SNCAIP: variants seen among roughly 807,000 people sequenced by gnomAD.
The protein encoded by SNCAIP is synphilin-1.
Under a neutral mutation model 86.7 loss-of-function variants are expected in SNCAIP, and 43 were observed. The ratio of observed to expected loss-of-function variants is 0.50; its 90% CI spans 0.39 to 0.64. The LOEUF (loss-of-function observed/expected upper bound fraction) is 0.64, where lower values mean the gene tolerates loss of function less well. Among genes scored for constraint, SNCAIP ranks in the 30% least tolerant of loss-of-function variants. SNCAIP has a pLI of 0.00. For synonymous variants in SNCAIP, 417 were observed against 427.2 expected (o/e 0.98, Z 0.29); for missense variants, 981 against 1,103.1 (o/e 0.89, Z 1.57).
At chr5:122,319,665 C>G (rs1752538687) in intron 1 of SNCAIP, among the ~76,000 whole-genome samples, 1 of 152,126 alleles carries the variant, frequency 6.6e-6, no homozygotes, top group Admixed American at 6.5e-5. Context: ...TGTGGATTTC[C>G]TGGGACTCCT....
chr5:122,395,845 C>T (rs370131748), intron 2 of SNCAIP, among the ~76,000 whole-genome samples: 1 of 152,122 alleles, frequency 6.6e-6, no homozygotes, highest in Admixed American at 6.6e-5. Flanking sequence ...TACAAAGAAC[C>T]TAGCCTCCCC....
chr5:122,340,655 G>C (rs13360842), intron 1 of SNCAIP, among the ~76,000 whole-genome samples: 6,275 of 152,236 alleles, frequency 0.041, 405 homozygotes, highest in African/African-American at 0.14. Context: ...GAAGTAATCA[G>C]CATTGACATT....
intron 1 of SNCAIP, among the ~76,000 whole-genome samples, chr5:122,379,493 A>C (rs1766172461): frequency 1.5e-5 from 2 of 131,436 alleles, no homozygotes; most frequent in African/African-American, 5.8e-5. Context: ...AAACAGGGAC[A>C]ATTTGACTTC....
At chr5:122,331,195 T>A (rs1384603322) in intron 1 of SNCAIP, among the ~76,000 whole-genome samples, 2 of 152,140 alleles carry the variant, frequency 1.3e-5, no homozygotes, top group African/African-American at 4.8e-5. Flanking sequence ...CTGATATCAG[T>A]CCATGGCCCA....
chr5:122,333,048 AGCTGAGC>A (rs1488769069), intron 1 of SNCAIP, among the ~76,000 whole-genome samples: 1 of 152,248 alleles, frequency 6.6e-6, no homozygotes, highest in African/African-American at 2.4e-5. Context: ...AGAATGAAAT[AGCTGAGC>A]TTGTACAAAC....
chr5:122,330,842 T>C (rs1320776643), intron 1 of SNCAIP, among the ~76,000 whole-genome samples: 1 of 151,906 alleles, frequency 6.6e-6, no homozygotes, highest in African/African-American at 2.4e-5. Context: ...GATGAAATAA[T>C]TGTACAACTC....
At chr5:122,362,230 C>A (rs1449195504) in intron 1 of SNCAIP, among the ~76,000 whole-genome samples, 1 of 152,134 alleles carries the variant, frequency 6.6e-6, no homozygotes, top group Admixed American at 6.5e-5. Context: ...TAAAAGTGTG[C>A]CTATTTTATA....
At chr5:122,347,992 G>A (rs1471291633) in intron 1 of SNCAIP, among the ~76,000 whole-genome samples, 5 of 151,954 alleles carry the variant, frequency 3.3e-5, no homozygotes, top group Admixed American at 2.0e-4. Context: ...GCAAGCCAAC[G>A]TATAGATAGT....
intron 6 of SNCAIP, 28 bp from the exon 7 acceptor site, chr5:122,440,601 T>A: frequency 6.2e-7 from 1 of 1,609,224 alleles, no homozygotes; most frequent in Non-Finnish European, 8.5e-7. Context: ...AGATATTACA[T>A]GAATTCCAAC....
chr5:122,403,863 C>T lies in SNCAIP; in HGVS notation c.128C>T (p.Ser43Leu), dbSNP rs751655733. The T allele has an allele frequency of 6.2e-7, 1 of 1,612,808 alleles. No individual in the cohort carries two copies. The highest frequency in any genetic ancestry group is 1.7e-5 in the Admixed American group (1 of 59,990). Reference protein sequence around the residue: ...RRCDTQNEDRSVSSSSWNCGI... With the variant: ...RRCDTQNEDRLVSSSSWNCGI... Reference sequence around the variant, plus strand: ...TGTGATACGCAAAACGAAGACAGATCAGGTAGGTTTTGCTCCTCCCCTCTT... The same window carrying T: ...TGTGATACGCAAAACGAAGACAGATTAGGTAGGTTTTGCTCCTCCCCTCTT... Residue 43 changes from serine to leucine, a missense_variant and splice_region_variant, in exon 3 of 11, where the codon TCA becomes TTA. Coordinates refer to ENST00000261368, the MANE Select transcript of SNCAIP (RefSeq NM_005460.4).
intron 3 of SNCAIP, among the ~76,000 whole-genome samples, chr5:122,416,017 G>T (rs1239548285): frequency 6.6e-6 from 1 of 152,204 alleles, no homozygotes; most frequent in African/African-American, 2.4e-5. Context: ...TATGGAAACT[G>T]TACTTTTGAA....
chr5:122,365,810 C>T (rs561890882), intron 1 of SNCAIP, among the ~76,000 whole-genome samples: 1 of 152,268 alleles, frequency 6.6e-6, no homozygotes, highest in Non-Finnish European at 1.5e-5. Context: ...TTATGGTGAA[C>T]AAGCCAAAGG....
chr5:122,443,993 C>A, intron 7 of SNCAIP: 3 of 441,162 alleles, frequency 6.8e-6, no homozygotes, highest in South Asian at 4.8e-5. Context: ...AAAGCCTGCT[C>A]AATCCACAGA....
At chr5:122,380,799 T>C (rs1265990715) in intron 1 of SNCAIP, among the ~76,000 whole-genome samples, 2 of 152,110 alleles carry the variant, frequency 1.3e-5, no homozygotes, top group African/African-American at 4.8e-5. Context: ...TCGTTATGTA[T>C]CCAGTAGTCA....
chr5:122,444,183 C>T (rs1443445919), intron 7 of SNCAIP: 1 of 464,338 alleles, frequency 2.2e-6, no homozygotes, highest in East Asian at 6.8e-5. Context: ...AGAGCCCAAG[C>T]AAATGAGAAC....
chr5:122,355,734 A>C (rs531954077), intron 1 of SNCAIP, among the ~76,000 whole-genome samples: 34 of 152,296 alleles, frequency 2.2e-4, no homozygotes, highest in African/African-American at 5.3e-4. Context: ...TTCCCACACT[A>C]TGCCAGTTGT....
intron 1 of SNCAIP, among the ~76,000 whole-genome samples, chr5:122,358,257 C>T (rs1338892315): frequency 3.4e-5 from 5 of 148,930 alleles, no homozygotes; most frequent in African/African-American, 9.9e-5. Context: ...GCACAACGTG[C>T]AGGTTTGTTA....
intron 6 of SNCAIP, 134 bp downstream of exon 6, chr5:122,432,216 T>G: frequency 1.5e-6 from 1 of 648,998 alleles, no homozygotes. Flanking sequence ...CAATGATATT[T>G]GTTGTTATTT....
At chr5:122,418,962 G>A (rs1449387711) in intron 3 of SNCAIP, among the ~76,000 whole-genome samples, 1 of 152,160 alleles carries the variant, frequency 6.6e-6, no homozygotes, top group Non-Finnish European at 1.5e-5. Flanking sequence ...AGCCAGTTTA[G>A]TGATGATGAA....
Sources: gnomAD v4.1 joint callset for allele counts (sites outside exome capture counted in the v4.1 genomes callset) on GRCh38, gnomAD v4.1.1 for gene constraint, MANE v1.5 for transcripts, NCBI Gene and HGNC (gene_info 2026-07-23, HGNC 2026-07-21) for gene names.